Variants in C19orf44 observed in about 807,000 individuals in gnomAD.
C19orf44 encodes the protein uncharacterized protein C19orf44.
A neutral mutation model predicts 50.7 loss-of-function variants in C19orf44; 43 were observed. The ratio of observed to expected loss-of-function variants is 0.85; its 90% confidence interval spans 0.66 to 1.09. The LOEUF (loss-of-function observed/expected upper bound fraction) is 1.09. Among genes scored for constraint, C19orf44 ranks in the 50% least tolerant of loss-of-function variants. The pLI is 0.00. For synonymous variants in C19orf44, 298 were observed against 334.7 expected (o/e 0.89, Z 1.20); for missense variants, 722 against 836.2 (o/e 0.86, Z 1.68).
At position 16,519,871 on chromosome 19, in the gene C19orf44, C is replaced by T; in HGVS notation, c.*41-223C>T. ...GCGTCTCTACCCGTTTATCCTGTCTCAGCTAGATAAGGGGGCTCCAGACGC... is the reference window on the plus strand; with the variant it reads ...GCGTCTCTACCCGTTTATCCTGTCTTAGCTAGATAAGGGGGCTCCAGACGC... On this transcript the variant is annotated intron_variant, in intron 8 of 8. Coordinates refer to ENST00000221671, the MANE Select transcript of C19orf44 (RefSeq NM_032207.4). This position sits in a 1 kb window ranked among gnomAD's most constrained non-coding sequence, Gnocchi z 6.0. The T allele has an allele frequency of 1.4e-6, 1 of 732,752 alleles. No individual in the cohort carries two copies. The highest frequency in any genetic ancestry group is 2.4e-6 in the Non-Finnish European group (1 of 423,528). The allele number at this position is 732,752 out of a possible 1,614,324, so 45.4% of individuals were successfully genotyped here.
intron 4 of C19orf44, among the ~76,000 whole-genome samples, chr19:16,507,919 T>G (rs2093445066): frequency 6.6e-6 from 1 of 151,932 alleles, no homozygotes; most frequent in Non-Finnish European, 1.5e-5. Flanking sequence ...TTCTCCTGCC[T>G]CAGCCTCCCG....
chr19:16,503,500 C>G (rs2093431930), intron 3 of C19orf44, 120 bp downstream of exon 3: 13 of 1,003,556 alleles, frequency 1.3e-5, no homozygotes, highest in Non-Finnish European at 1.9e-5. Flanking sequence ...AGTCGCATCT[C>G]ACACTCAGCT....
Position 16,509,926 on chromosome 19 carries a change from T to C in C19orf44, c.1577T>C (p.Val526Ala), listed in dbSNP as rs1297914603. The C allele has an allele frequency of 6.2e-7, 1 of 1,614,074 alleles. No individual in the cohort carries two copies. The highest frequency in any genetic ancestry group is 8.5e-7 in the Non-Finnish European group (1 of 1,180,008). ...RKKSGRHVTR[V>A]LVKDTAVQTP... Reference sequence around the variant, plus strand: ...AAGTCGGGCAGGCACGTGACAAGAGTGCTTGTGAAGGACACAGCTGTGCAG... The same window carrying C: ...AAGTCGGGCAGGCACGTGACAAGAGCGCTTGTGAAGGACACAGCTGTGCAG... Residue 526 changes from valine (V) to alanine (A), a missense_variant, in exon 5 of 9, where the codon GTG becomes GCG. Coordinates refer to ENST00000221671, the MANE Select transcript of C19orf44 (RefSeq NM_032207.4).
rs78607249 is a variant in C19orf44 at position 16,520,183 on chromosome 19, T to G, written c.*130T>G. ...GGGCTCCTGGACCGTGACCGGCGTCTTCTTCCTGGGGAGTACGACTTGGAC... is the reference window on the plus strand; with the variant it reads ...GGGCTCCTGGACCGTGACCGGCGTCGTCTTCCTGGGGAGTACGACTTGGAC... On this transcript the variant is annotated 3_prime_UTR_variant, in exon 9 of 9. Transcript: ENST00000221671. This position sits in a 1 kb window ranked among gnomAD's most constrained non-coding sequence, Gnocchi z 4.0. 3,326 of 1,613,134 alleles carry G rather than the reference T, an allele frequency of 2.1e-3. 115 individuals are homozygous for G. In the East Asian group the frequency reaches 0.068, roughly 33 times the overall value.
At chr19:16,508,454 G>A (rs1315602377) in intron 4 of C19orf44, among the ~76,000 whole-genome samples, 1 of 151,874 alleles carries the variant, frequency 6.6e-6, no homozygotes, top group East Asian at 1.9e-4. Flanking sequence ...TGCAGTTGGG[G>A]GATCATGGCT....
chr19:16,508,492 A>G (rs755594338), intron 4 of C19orf44, among the ~76,000 whole-genome samples: 1 of 152,110 alleles, frequency 6.6e-6, no homozygotes, highest in South Asian at 2.1e-4. Context: ...CCTAGGCTCA[A>G]GCAATCCTGC....
intron 5 of C19orf44, among the ~76,000 whole-genome samples, chr19:16,512,222 C>G (rs750608897): frequency 1.3e-5 from 2 of 151,938 alleles, no homozygotes; most frequent in Non-Finnish European, 2.9e-5. Context: ...GATCTGGGCT[C>G]AGAATTGTTT....
intron 3 of C19orf44, among the ~76,000 whole-genome samples, chr19:16,503,757 G>T (rs1211982959): frequency 6.6e-6 from 1 of 152,014 alleles, no homozygotes; most frequent in African/African-American, 2.4e-5. Context: ...TGGAGACCAG[G>T]TTTCACCATG....
rs760459314 is a variant in C19orf44, at chr19:16,520,248, C to T, written c.*195C>T. On this transcript the variant is annotated 3_prime_UTR_variant, in exon 9 of 9. Transcript: ENST00000221671. This position sits in a 1 kb window ranked among gnomAD's most constrained non-coding sequence, Gnocchi z 4.0. The stretch of plus-strand genomic sequence containing the variant: ...GGACCGGGAGCGGCTTCTGGAGGAG[C>T]GCGACCTGCTCCGACTTCTGCAGGG... The T allele has an allele frequency of 1.4e-5, 22 of 1,613,190 alleles. No homozygotes were observed. Among genetic ancestry groups the T allele is most frequent in the African/African-American group, 4.0e-5 (3 of 74,888 alleles).
chr19:16,510,224 CAG>C, intron 5 of C19orf44: 2 of 512,460 alleles, frequency 3.9e-6, no homozygotes, highest in South Asian at 4.0e-5. Context: ...CTGGCCAACA[CAG>C]GGAACCCTCA....
intron 3 of C19orf44, among the ~76,000 whole-genome samples, chr19:16,504,201 A>G (rs982889216): frequency 6.6e-6 from 1 of 152,034 alleles, no homozygotes; most frequent in Admixed American, 6.6e-5. Context: ...ATCTCTAAAA[A>G]AAAATTTTTT....
rs554994357 is a variant in C19orf44, at chr19:16,520,660, T to G, written c.*607T>G. 22 of 1,145,102 alleles carry G rather than the reference T, an allele frequency of 1.9e-5. No homozygotes were observed. In the Admixed American group the frequency reaches 4.3e-4, roughly 22 times the overall value. 70.9% of individuals were successfully genotyped at this position (1,145,102 alleles called of 1,614,324 possible). A position where few individuals can be genotyped will look rare whatever the true frequency, so the allele number is the denominator to read the frequency against. On this transcript the variant is annotated 3_prime_UTR_variant, in exon 9 of 9. Transcript: ENST00000221671. The surrounding 1 kb of genome is among the most constrained non-coding windows in gnomAD (Gnocchi z 4.0). ...GCAACGGTACCAAGTTCCTAAATAGTGTGGCCGAGCCTGCTGCTGTGTGAA... is the reference window on the plus strand; with the variant it reads ...GCAACGGTACCAAGTTCCTAAATAGGGTGGCCGAGCCTGCTGCTGTGTGAA...
intron 7 of C19orf44, among the ~76,000 whole-genome samples, chr19:16,516,213 G>A (rs1014611838): frequency 6.6e-5 from 10 of 152,086 alleles, no homozygotes; most frequent in African/African-American, 2.4e-4. Context: ...GGCAGGGTGG[G>A]TCGCTTGAGC....
chr19:16,517,196 A>G, intron 7 of C19orf44, 34 bp from the exon 8 acceptor site: 1 of 1,598,016 alleles, frequency 6.3e-7, no homozygotes, highest in Non-Finnish European at 8.6e-7. Context: ...TGAGGTGACG[A>G]TGGTGATGGC....
chr19:16,519,401 G>A lies in C19orf44; in HGVS notation c.*41-693G>A, dbSNP rs779391340. 1 of 1,559,046 alleles carries A rather than the reference G, an allele frequency of 6.4e-7. No homozygotes were observed. Among genetic ancestry groups the A allele is most frequent in the Admixed American group, 1.8e-5 (1 of 55,930 alleles). ...ACCACAACAAGGCGGAGGCAGATGG[G>A]GGTGCACGTGGGGGGCTGAATGTCC... On this transcript the variant is annotated intron_variant, in intron 8 of 8. Transcript: ENST00000221671. This position sits in a 1 kb window ranked among gnomAD's most constrained non-coding sequence, Gnocchi z 6.0.
intron 1 of C19orf44, among the ~76,000 whole-genome samples, chr19:16,498,962 G>A (rs1000622276): frequency 1.3e-5 from 2 of 152,050 alleles, no homozygotes; most frequent in African/African-American, 2.4e-5. Flanking sequence ...GAGCCACCAC[G>A]CCTAGTCTGT....
At chr19:16,510,464 G>A (rs1163551796) in intron 5 of C19orf44, among the ~76,000 whole-genome samples, 1 of 152,142 alleles carries the variant, frequency 6.6e-6, no homozygotes, top group Non-Finnish European at 1.5e-5. Flanking sequence ...ACGAGGGACA[G>A]CCGCCCTCGT....
At chr19:16,508,726 A>T (rs2093447511) in intron 4 of C19orf44, among the ~76,000 whole-genome samples, 1 of 151,994 alleles carries the variant, frequency 6.6e-6, no homozygotes, top group South Asian at 2.1e-4. Flanking sequence ...TTTCTTACAG[A>T]GGTAGGGTCT....
In C19orf44 at chr19:16,520,691, G is replaced by A. The variant is rs2085604884; in HGVS notation, c.*638G>A. Reference sequence around the variant, plus strand: ...CGAGCCTGCTGCTGTGTGAATTCAGGCCTTGTGGAAAACACCGCCCCATAG... The same window carrying A: ...CGAGCCTGCTGCTGTGTGAATTCAGACCTTGTGGAAAACACCGCCCCATAG... On this transcript the variant is annotated 3_prime_UTR_variant, in exon 9 of 9. Coordinates refer to ENST00000221671, the MANE Select transcript of C19orf44 (RefSeq NM_032207.4). The surrounding 1 kb of genome is among the most constrained non-coding windows in gnomAD (Gnocchi z 4.0). 2.6e-6 allele frequency: 3 copies of A among 1,152,800 alleles called. No homozygotes were observed. The highest frequency in any genetic ancestry group is 1.3e-5 in the South Asian group (1 of 77,506). 71.4% of individuals were successfully genotyped at this position (1,152,800 alleles called of 1,614,324 possible). A position where few individuals can be genotyped will look rare whatever the true frequency, so the allele number is the denominator to read the frequency against.
Sources: allele counts gnomAD v4.1 joint callset (sites outside exome capture counted in the v4.1 genomes callset), GRCh38; gene constraint gnomAD v4.1.1; non-coding constraint Gnocchi (gnomAD v3.1); transcripts MANE v1.5; gene names NCBI Gene and HGNC (gene_info 2026-07-23, HGNC 2026-07-21).